The following ZBTB20 variants were observed in gnomAD, a reference collection of about 807,000 sequenced individuals.
ZBTB20 encodes zinc finger and BTB domain containing 20.
In ZBTB20, 9 loss-of-function variants were observed where a neutral mutation model predicts 56.9. That is an observed-to-expected ratio of 0.16 (90% confidence interval 0.10 to 0.28). The LOEUF is 0.28. Ranked by LOEUF, ZBTB20 falls within the 10% of genes least tolerant of loss-of-function variation. ZBTB20 has a pLI of 1.00. For missense variants in ZBTB20, 655 were observed against 1,003.0 expected, an observed-to-expected ratio of 0.65 and a Z score of 4.69; for synonymous variants, 417 against 420.7, an observed-to-expected ratio of 0.99 and a Z score of 0.11.
At chr3:114,999,115 G>A (rs1424156839) in intron 2 of ZBTB20, among the ~76,000 whole-genome samples, 1 of 145,436 alleles carries the variant, frequency 6.9e-6, no homozygotes, top group Non-Finnish European at 1.5e-5. Flanking sequence ...GGAAGGAAAG[G>A]GAAGGGAAGG....
intron 7 of ZBTB20, chr3:114,418,945 G>C (rs1426650579): frequency 6.6e-6 from 1 of 152,030 alleles, no homozygotes; most frequent in Non-Finnish European, 1.5e-5. Context: ...ACTGGTTTGG[G>C]GGTATATCAA....
intron 4 of ZBTB20, among the ~76,000 whole-genome samples, chr3:114,872,233 T>A (rs1401501879): frequency 1.3e-5 from 2 of 152,226 alleles, no homozygotes; most frequent in Non-Finnish European, 2.9e-5. Context: ...GAATCCATGC[T>A]AGATACTGGG....
chr3:115,035,717 A>G (rs1024363525), intron 2 of ZBTB20, among the ~76,000 whole-genome samples: 1 of 152,204 alleles, frequency 6.6e-6, no homozygotes, highest in Non-Finnish European at 1.5e-5. Context: ...TATATATTCA[A>G]AAGAACTGAC....
At chr3:114,454,489 A>T (rs893129382) in intron 7 of ZBTB20, 1 of 150,432 alleles carries the variant, frequency 6.6e-6, no homozygotes, top group Non-Finnish European at 1.5e-5. Flanking sequence ...AACACAGCAA[A>T]ATACATGCTC....
At chr3:114,442,712 T>C (rs1288565256) in intron 7 of ZBTB20, among the ~76,000 whole-genome samples, 2 of 152,184 alleles carry the variant, frequency 1.3e-5, no homozygotes, top group Non-Finnish European at 2.9e-5. Flanking sequence ...CATGTTCATG[T>C]GATCTACCTC....
intron 6 of ZBTB20, among the ~76,000 whole-genome samples, chr3:114,569,100 T>C (rs1312203523): frequency 6.6e-6 from 1 of 152,118 alleles, no homozygotes; most frequent in Non-Finnish European, 1.5e-5. Flanking sequence ...CTGATTTGGG[T>C]GAGTTGTTAA....
intron 5 of ZBTB20, among the ~76,000 whole-genome samples, chr3:114,734,582 A>G (rs181618304): frequency 8.2e-4 from 125 of 152,264 alleles, no homozygotes; most frequent in Non-Finnish European, 1.1e-3. Context: ...TTCTTATGGC[A>G]AATTTTGGGT....
chr3:114,747,734 C>T (rs796913839), intron 5 of ZBTB20, among the ~76,000 whole-genome samples: 256 of 3,438 alleles, frequency 0.074, 105 homozygotes, highest in Admixed American at 0.19. Flanking sequence ...CTGGCTAACA[C>T]GGTGAAACCC....
At chr3:114,391,215 C>A (rs1334802680) in intron 7 of ZBTB20, among the ~76,000 whole-genome samples, 1 of 152,164 alleles carries the variant, frequency 6.6e-6, no homozygotes, top group African/African-American at 2.4e-5. Flanking sequence ...TTCTAAAGTG[C>A]CCTTCTAAAC....
intron 4 of ZBTB20, among the ~76,000 whole-genome samples, chr3:114,854,502 T>C (rs1299988556): frequency 1.3e-5 from 2 of 152,172 alleles, no homozygotes; most frequent in Non-Finnish European, 1.5e-5. Context: ...ATAGTTTTTG[T>C]CTTTGTTTCT....
At chr3:114,776,479 AG>A (rs1293665784) in intron 5 of ZBTB20, among the ~76,000 whole-genome samples, 1 of 152,204 alleles carries the variant, frequency 6.6e-6, no homozygotes, top group African/African-American at 2.4e-5. Flanking sequence ...GCAGAAGCTG[AG>A]GAAGGCAAAG....
At chr3:115,088,229 G>A (rs985610514) in intron 1 of ZBTB20, among the ~76,000 whole-genome samples, 1 of 151,838 alleles carries the variant, frequency 6.6e-6, no homozygotes, top group African/African-American at 2.4e-5. Flanking sequence ...ATCTGAAAAA[G>A]GAGTATAGGT....
chr3:115,120,200 C>T (rs1288770117), intron 1 of ZBTB20, among the ~76,000 whole-genome samples: 2 of 151,992 alleles, frequency 1.3e-5, no homozygotes, highest in South Asian at 2.1e-4. Context: ...GATGTAGAAA[C>T]GTAGTTCATC....
chr3:114,702,687 G>GTA (rs1220484046), intron 5 of ZBTB20, among the ~76,000 whole-genome samples: 1 of 151,702 alleles, frequency 6.6e-6, no homozygotes, highest in African/African-American at 2.4e-5. Flanking sequence ...GTGTGTGTGT[G>GTA]TGTATGTAAA....
intron 4 of ZBTB20, among the ~76,000 whole-genome samples, chr3:114,871,986 A>G (rs184798632): frequency 7.6e-4 from 115 of 152,074 alleles, no homozygotes; most frequent in African/African-American, 2.2e-3. Flanking sequence ...TCTTTTCATG[A>G]TCTTCTCTCT....
chr3:115,128,231 TAATC>T (rs1185029010), intron 1 of ZBTB20, among the ~76,000 whole-genome samples: 3 of 152,194 alleles, frequency 2.0e-5, no homozygotes, highest in Admixed American at 6.5e-5. Flanking sequence ...TTAATAAAGA[TAATC>T]AATACACAAG....
intron 6 of ZBTB20, among the ~76,000 whole-genome samples, chr3:114,524,361 G>T (rs546339681): frequency 2.6e-5 from 4 of 152,272 alleles, no homozygotes; most frequent in Admixed American, 1.3e-4. Context: ...GCAGAGTGGA[G>T]AATCAATCAT....
At chr3:114,919,764 C>A (rs1008334667) in intron 3 of ZBTB20, among the ~76,000 whole-genome samples, 6 of 151,594 alleles carry the variant, frequency 4.0e-5, no homozygotes, top group Middle Eastern at 3.2e-3. Flanking sequence ...AATAGTAAGT[C>A]CTTATTTGTC....
At chr3:114,953,408 C>G (rs1435893361) in intron 3 of ZBTB20, among the ~76,000 whole-genome samples, 3 of 150,846 alleles carry the variant, frequency 2.0e-5, no homozygotes, top group Admixed American at 6.6e-5. Flanking sequence ...CATAAATATA[C>G]CAATTAAAGA....
Sources: allele counts gnomAD v4.1 joint callset (sites outside exome capture counted in the v4.1 genomes callset), GRCh38; gene constraint gnomAD v4.1.1; transcripts MANE v1.5; gene names NCBI Gene and HGNC (gene_info 2026-07-23, HGNC 2026-07-21).